LRRTM1: variants seen among roughly 807,000 people sequenced by gnomAD.
LRRTM1 encodes leucine rich repeat transmembrane neuronal 1, also known as leucine-rich repeat transmembrane neuronal protein 1.
Under a neutral mutation model 37.3 loss-of-function variants are expected in LRRTM1, and 8 were observed. The observed-to-expected ratio is 0.21, with a 90% CI of 0.13 to 0.39. The LOEUF (loss-of-function observed/expected upper bound fraction) is 0.39, where lower values mean the gene tolerates loss of function less well. Ranked by LOEUF, LRRTM1 falls within the 10% of genes least tolerant of loss-of-function variation. The pLI is 1.00. For synonymous variants in LRRTM1, 326 were observed against 316.8 expected (o/e 1.03, Z -0.31); for missense variants, 557 against 691.0 (o/e 0.81, Z 2.17).
chr2:80,289,622 A>T (rs1675061330), intron 2 of LRRTM1, among the ~76,000 whole-genome samples: 1 of 152,156 alleles, frequency 6.6e-6, no homozygotes, highest in South Asian at 2.1e-4. Flanking sequence ...ATTGGCCAGC[A>T]ATTTGGCCAA....
At position 80,303,151 on chromosome 2, in the gene LRRTM1, C is replaced by G. The variant is rs567845758; in HGVS notation, c.669G>C (p.Lys223Asn). 3 of 1,614,132 alleles carry G rather than the reference C, an allele frequency of 1.9e-6. No homozygotes were observed. Among genetic ancestry groups the G allele is most frequent in the Non-Finnish European group, 8.5e-7 (1 of 1,180,020 alleles). Residue 223 changes from lysine (K) to asparagine (N), a missense_variant, in exon 2 of 2, where the codon AAG becomes AAC. Coordinates refer to ENST00000295057, the MANE Select transcript of LRRTM1 (RefSeq NM_178839.5). The surrounding 1 kb of genome is among the most constrained non-coding windows in gnomAD (Gnocchi z 7.7). Reference sequence around the variant, plus strand: ...GGCGCGGGAAGTGGGCGAAGTTCACCTTGACCAAGTCGTTGTGCTCGAGGT... The same window carrying G: ...GGCGCGGGAAGTGGGCGAAGTTCACGTTGACCAAGTCGTTGTGCTCGAGGT... ...ELHLEHNDLV[K>N]VNFAHFPRLI...
At chr2:80,296,129 C>A (rs1320726869) in intron 2 of LRRTM1, among the ~76,000 whole-genome samples, 1 of 152,078 alleles carries the variant, frequency 6.6e-6, no homozygotes, top group Middle Eastern at 3.2e-3. Context: ...TTGATAGAGG[C>A]ATGCAATGTG....
intron 2 of LRRTM1, among the ~76,000 whole-genome samples, chr2:80,290,014 C>T (rs79958959): frequency 0.018 from 2,786 of 152,252 alleles, 38 homozygotes; most frequent in Non-Finnish European, 0.03. Context: ...CATCACTCTC[C>T]TCCCACTGCC....
downstream of LRRTM1, among the ~76,000 whole-genome samples, chr2:80,297,893 G>A (rs1558979283): frequency 6.6e-6 from 1 of 152,088 alleles, no homozygotes; most frequent in African/African-American, 2.4e-5. Flanking sequence ...CTGAATAAAA[G>A]TTTGATTATG....
Position 80,303,602 on chromosome 2 carries a change from C to G in LRRTM1, c.218G>C (p.Arg73Pro). The G allele has an allele frequency of 6.2e-7, 1 of 1,614,154 alleles. No individual in the cohort carries two copies. Among genetic ancestry groups the G allele is most frequent in the Non-Finnish European group, 8.5e-7 (1 of 1,180,030 alleles). ...GCGCAGCTCCGAGAGGCTGTTGTAGCGCAGGGACAAGCCCAGCAGGCCGGA... is the reference window on the plus strand; with the variant it reads ...GCGCAGCTCCGAGAGGCTGTTGTAGGGCAGGGACAAGCCCAGCAGGCCGGA... ...NLSGLLGLSL[R>P]YNSLSELRAG... Residue 73 changes from arginine (R) to proline (P), a missense_variant, in exon 2 of 2, where the codon CGC becomes CCC. Physicochemically the swap from Arg to Pro is moderately radical, Grantham distance 103. This residue lies in a region of LRRTM1 where 140 missense variants were observed against 138.1 expected (regional missense o/e 1.01). Transcript: ENST00000295057. This position sits in a 1 kb window ranked among gnomAD's most constrained non-coding sequence, Gnocchi z 7.7.
At position 80,303,123 on chromosome 2, in the gene LRRTM1, T is replaced by C. The variant is rs763017560; in HGVS notation, c.697A>G (p.Ile233Val). ...CGCAGGCAGAGCGAGTGCAGGGAGA[T>C]GAGGCGCGGGAAGTGGGCGAAGTTC... ...KVNFAHFPRL[I>V]SLHSLCLRRN... is the part of the protein sequence containing the mutation. The change falls in exon 2 of 2, where the codon ATC (isoleucine) becomes GTC (valine). Residue 233 changes from isoleucine to valine, a missense_variant. Physicochemically the swap from Ile to Val is conservative, Grantham distance 29 (BLOSUM62 3). Coordinates refer to ENST00000295057, the MANE Select transcript of LRRTM1 (RefSeq NM_178839.5). This position sits in a 1 kb window ranked among gnomAD's most constrained non-coding sequence, Gnocchi z 7.7. 7 of 1,613,862 alleles carry C rather than the reference T, an allele frequency of 4.3e-6. No homozygotes were observed. In the African/African-American group the frequency reaches 5.3e-5, roughly 12 times the overall value.
chr2:80,289,641 A>T (rs1448022381), intron 2 of LRRTM1, among the ~76,000 whole-genome samples: 1 of 152,206 alleles, frequency 6.6e-6, no homozygotes, highest in African/African-American at 2.4e-5. Context: ...AACTCAATGC[A>T]CATGCTCTCT....
At chr2:80,300,854 C>A (rs1364383704), downstream of LRRTM1, among the ~76,000 whole-genome samples, 2 of 152,014 alleles carry the variant, frequency 1.3e-5, no homozygotes, top group Non-Finnish European at 2.9e-5. Context: ...ACTACCACCA[C>A]CTCCTCACTC....
intron 2 of LRRTM1, among the ~76,000 whole-genome samples, chr2:80,291,619 C>T (rs1265448697): frequency 1.3e-5 from 2 of 152,128 alleles, no homozygotes; most frequent in Non-Finnish European, 2.9e-5. Context: ...GTCCCAGGGG[C>T]CAGTATGATT....
Position 80,303,766 on chromosome 2 carries a change from C to T in LRRTM1, c.54G>A (p.Ser18=). 1 of 1,570,188 alleles carries T rather than the reference C, an allele frequency of 6.4e-7. No homozygotes were observed. The highest frequency in any genetic ancestry group is 8.6e-7 in the Non-Finnish European group (1 of 1,159,294). The part of the protein sequence containing the change: ...LCLYWLLRRP[S]GVVLCLLGAC... ...CCCCCAGCAGACACAAGACCACCCC[C>T]GAGGGCCTCCTCAGCAGCCAGTATA... The change falls in exon 2 of 2, where the codon TCG becomes TCA. Residue 18 remains serine, a synonymous_variant. Transcript: ENST00000295057. The surrounding 1 kb of genome is among the most constrained non-coding windows in gnomAD (Gnocchi z 7.7).
chr2:80,304,050 CAA>C (rs1015276553), intron 1 of LRRTM1, 100 bp downstream of exon 1: 16 of 436,106 alleles, frequency 3.7e-5, no homozygotes, highest in Non-Finnish European at 6.4e-5. Flanking sequence ...ACGGAAAGAT[CAA>C]AGAGATGGTG....
chr2:80,300,554 A>G (rs796351555), downstream of LRRTM1, among the ~76,000 whole-genome samples: 73 of 152,124 alleles, frequency 4.8e-4, no homozygotes, highest in African/African-American at 1.6e-3. Context: ...AGACATTTGC[A>G]TGTTGGGGGA....
chr2:80,291,233 C>T lies in LRRTM1; in HGVS notation c.*307-2038G>A, dbSNP rs79625168. 2.7e-4 allele frequency among the ~76,000 whole-genome samples: 41 copies of T among 152,314 alleles called. No individual in the cohort carries two copies. In the East Asian group the frequency reaches 6.4e-3, roughly 24 times the overall value. ...GTTCATCGCTTTGCCTGTTGATAAG[C>T]GATAGCAAAGGAGAATGCATAGAAA... On this transcript the variant is annotated intron_variant and NMD_transcript_variant, in intron 2 of 2. Coordinates refer to the LRRTM1 transcript ENST00000417012.
Position 80,302,664 on chromosome 2 carries a change from G to C in LRRTM1, c.1156C>G (p.Pro386Ala). 1.9e-6 allele frequency: 3 copies of C among 1,610,686 alleles called. No individual in the cohort carries two copies. The highest frequency in any genetic ancestry group is 2.5e-6 in the Non-Finnish European group (3 of 1,179,282). ...SAVTNRSDLG[P>A]PASSATTLAD... Reference sequence around the variant, plus strand: ...AGCGTGGTGGCCGAGCTGGCAGGGGGCCCCAGATCACTGCGGTTGGTGACG... The same window carrying C: ...AGCGTGGTGGCCGAGCTGGCAGGGGCCCCCAGATCACTGCGGTTGGTGACG... Residue 386 changes from proline to alanine, a missense_variant, in exon 2 of 2, where the codon CCC becomes GCC. Transcript: ENST00000295057. This position sits in a 1 kb window ranked among gnomAD's most constrained non-coding sequence, Gnocchi z 6.4.
chr2:80,301,187 C>T (rs1488095875), downstream of LRRTM1, among the ~76,000 whole-genome samples: 2 of 152,198 alleles, frequency 1.3e-5, no homozygotes, highest in African/African-American at 2.4e-5. Flanking sequence ...TCTCCTCATT[C>T]CCCATAGAAA....
At chr2:80,301,525 A>G (rs759148093), downstream of LRRTM1, among the ~76,000 whole-genome samples, 2 of 152,152 alleles carry the variant, frequency 1.3e-5, no homozygotes, top group Non-Finnish European at 2.9e-5. Flanking sequence ...GCTTTTTAAA[A>G]ACCATTTGCA....
At chr2:80,297,159 C>T (rs12464777), downstream of LRRTM1, among the ~76,000 whole-genome samples, 86,132 of 152,066 alleles carry the variant, frequency 0.57, 25,354 homozygotes, top group African/African-American at 0.74. Context: ...GATTTCACCA[C>T]TGTGCCCATG....
chr2:80,301,466 C>T (rs1573640019), downstream of LRRTM1, among the ~76,000 whole-genome samples: 2 of 152,202 alleles, frequency 1.3e-5, no homozygotes, highest in East Asian at 3.8e-4. Context: ...AAGATGGTTA[C>T]ATTAAGTGCA....
Position 80,303,949 on chromosome 2 carries a change from A to G in LRRTM1, c.-59-71T>C. The G allele has an allele frequency of 1.8e-6, 2 of 1,124,748 alleles. No individual in the cohort carries two copies. Among genetic ancestry groups the G allele is most frequent in the Non-Finnish European group, 2.4e-6 (2 of 831,312 alleles). The allele number at this position is 1,124,748 out of a possible 1,614,324, so 69.7% of individuals were successfully genotyped here. ...GAAAAGGGCAAAAAATCAAATAAAT[A>G]CATAGAAATAAAGAAGGACCCCCCT... is the stretch of plus-strand genomic sequence containing the variant. On this transcript the variant is annotated intron_variant, in intron 1 of 1. Coordinates refer to ENST00000295057, the MANE Select transcript of LRRTM1 (RefSeq NM_178839.5). The surrounding 1 kb of genome is among the most constrained non-coding windows in gnomAD (Gnocchi z 7.7).
Sources: allele counts gnomAD v4.1 joint callset (sites outside exome capture counted in the v4.1 genomes callset), GRCh38; gene constraint gnomAD v4.1.1; regional missense constraint gnomAD v4.1.1; non-coding constraint Gnocchi (gnomAD v3.1); transcripts MANE v1.5; gene names NCBI Gene and HGNC (gene_info 2026-07-23, HGNC 2026-07-21).